Variants in FZD6 observed in about 807,000 individuals in gnomAD.
FZD6 encodes frizzled-6.
Under a neutral mutation model 61.4 loss-of-function variants are expected in FZD6, and 49 were observed. The observed-to-expected ratio is 0.80, with a 90% CI of 0.63 to 1.01. The LOEUF (loss-of-function observed/expected upper bound fraction) is 1.01, where lower values mean the gene tolerates loss of function less well. Among genes scored for constraint, FZD6 ranks in the 50% least tolerant of loss-of-function variants. The pLI, the probability that FZD6 is intolerant of heterozygous loss-of-function variation, is 0.00. For synonymous variants in FZD6, 265 were observed against 292.2 expected, an observed-to-expected ratio of 0.91 and a Z score of 0.95; for missense variants, 724 against 848.2, an observed-to-expected ratio of 0.85 and a Z score of 1.82.
chr8:103,320,203 G>A (rs1814743962), intron 3 of FZD6, among the ~76,000 whole-genome samples: 1 of 152,180 alleles, frequency 6.6e-6, no homozygotes, highest in African/African-American at 2.4e-5. Flanking sequence ...GTCCTCTGTT[G>A]TGAGTCTGGG....
chr8:103,330,093 C>T, intron 6 of FZD6, 28 bp downstream of exon 6: 1 of 1,574,366 alleles, frequency 6.4e-7, no homozygotes, highest in Middle Eastern at 1.7e-4. Context: ...GTAAAATCAT[C>T]ACTATTTTAA....
In FZD6 at chr8:103,328,375, C is replaced by T. The variant is rs763029375; in HGVS notation, c.1500C>T (p.Cys500=). The change falls in exon 5 of 7, where the codon TGC becomes TGT. Residue 500 remains cysteine (C), a synonymous_variant. Coordinates refer to ENST00000358755, the MANE Select transcript of FZD6 (RefSeq NM_003506.4). The part of the protein sequence containing the change: ...AVFWVGSKKT[C]TEWAGFFKRN... ...TCTGGGTTGGAAGCAAAAAGACATGCACAGAATGGGCTGGGTTTTTTAAAC... is the reference window on the plus strand; with the variant it reads ...TCTGGGTTGGAAGCAAAAAGACATGTACAGAATGGGCTGGGTTTTTTAAAC... 41 of 1,612,484 alleles carry T rather than the reference C, an allele frequency of 2.5e-5. No homozygotes were observed. Among genetic ancestry groups the T allele is most frequent in the Non-Finnish European group, 3.1e-5 (37 of 1,178,780 alleles).
Position 103,323,925 on chromosome 8 carries a change from G to A in FZD6, c.375-556G>A, listed in dbSNP as rs184767039. Among the ~76,000 whole-genome samples, 21 of 152,270 alleles carry A rather than the reference G, an allele frequency of 1.4e-4. No individual in the cohort carries two copies. The East Asian group carries it at 4.1e-3, about 29-fold the overall frequency. ...GCTGGTCCTCAGCCTGCCTCTTGCTGGTATACTTGCCTGTCTTTAAAAACT... is the reference window on the plus strand; with the variant it reads ...GCTGGTCCTCAGCCTGCCTCTTGCTAGTATACTTGCCTGTCTTTAAAAACT... On this transcript the variant is annotated intron_variant, in intron 3 of 6. Transcript: ENST00000358755.
intron 2 of FZD6, among the ~76,000 whole-genome samples, chr8:103,302,906 T>C (rs896585140): frequency 2.6e-5 from 4 of 152,198 alleles, no homozygotes; most frequent in African/African-American, 9.7e-5. Context: ...TGCAGTGAGC[T>C]ATGATCGTTC....
At chr8:103,326,138 T>C (rs1456345582) in intron 4 of FZD6, among the ~76,000 whole-genome samples, 2 of 152,212 alleles carry the variant, frequency 1.3e-5, no homozygotes, top group Non-Finnish European at 2.9e-5. Context: ...GGTTTTGTTT[T>C]AGTAGATTTT....
intron 2 of FZD6, among the ~76,000 whole-genome samples, chr8:103,308,748 C>T (rs148828389): frequency 1.5e-3 from 232 of 152,198 alleles, no homozygotes; most frequent in African/African-American, 5.1e-3. Context: ...GCAGTTGGTC[C>T]CTGACATCAT....
intron 3 of FZD6, among the ~76,000 whole-genome samples, chr8:103,319,189 G>A (rs1025955393): frequency 3.3e-5 from 5 of 152,170 alleles, no homozygotes. Flanking sequence ...AGGTAACTAG[G>A]CAATGAGAGG....
rs1188263319 is a variant in FZD6 at position 103,329,769 on chromosome 8, G to A, written c.1656G>A (p.Lys552=). 2 of 1,613,946 alleles carry A rather than the reference G, an allele frequency of 1.2e-6. No individual in the cohort carries two copies. Among genetic ancestry groups the A allele is most frequent in the South Asian group, 1.1e-5 (1 of 91,088 alleles). The stretch of plus-strand genomic sequence containing the variant: ...ATAAACCAAGTTCACACAAGCTGAA[G>A]GTCATTTCCAAATCCATGGGAACCA... ...KHYKPSSHKL[K]VISKSMGTST... The change falls in exon 6 of 7, where the codon AAG becomes AAA. Residue 552 remains lysine (K), a synonymous_variant. Transcript: ENST00000358755.
intron 2 of FZD6, chr8:103,307,991 C>T (rs190360611): frequency 2.2e-6 from 1 of 454,872 alleles, no homozygotes; most frequent in East Asian, 6.9e-5. Context: ...GTTGATCCTG[C>T]TGGAACATGA....
chr8:103,320,027 A>G (rs886350344), intron 3 of FZD6, among the ~76,000 whole-genome samples: 2 of 152,248 alleles, frequency 1.3e-5, no homozygotes, highest in African/African-American at 4.8e-5. Context: ...TAGGATCCCA[A>G]GCATAGATGA....
chr8:103,321,298 A>G (rs1490518364), intron 3 of FZD6, among the ~76,000 whole-genome samples: 2 of 152,236 alleles, frequency 1.3e-5, no homozygotes, highest in Non-Finnish European at 2.9e-5. Flanking sequence ...ATATTAAACC[A>G]TGTCCCATTA....
chr8:103,331,597 C>T lies in FZD6; in HGVS notation c.*88C>T. 1.2e-6 allele frequency: 1 copy of T among 867,898 alleles called. No individual in the cohort carries two copies. Among genetic ancestry groups the T allele is most frequent in the Admixed American group, 2.0e-5 (1 of 50,574 alleles). The allele number at this position is 867,898 out of a possible 1,614,324, so 53.8% of individuals were successfully genotyped here. On this transcript the variant is annotated 3_prime_UTR_variant, in exon 7 of 7. Coordinates refer to ENST00000358755, the MANE Select transcript of FZD6 (RefSeq NM_003506.4). ...GTTTTGTAAGAATCACTGTTACATT[C>T]TTCTTTTGCACTTAAAGTTGCATTG... is the stretch of plus-strand genomic sequence containing the variant.
In FZD6 at chr8:103,329,829, A is replaced by T. The variant is rs369955869; in HGVS notation, c.1716A>T (p.Ala572=). The T allele has an allele frequency of 6.2e-7, 1 of 1,613,688 alleles. No individual in the cohort carries two copies. Residue 572 remains alanine, a synonymous_variant, in exon 6 of 7, where the codon GCA becomes GCT. Coordinates refer to ENST00000358755, the MANE Select transcript of FZD6 (RefSeq NM_003506.4). The part of the protein sequence containing the change: ...TGATANHGTS[A]VAITSHDYLG... ...CTACAGCAAATCATGGCACTTCTGC[A>T]GTAGCAATTACTAGCCATGATTACC... is the stretch of plus-strand genomic sequence containing the variant.
intron 2 of FZD6, among the ~76,000 whole-genome samples, chr8:103,301,516 C>T (rs1030751084): frequency 6.6e-6 from 1 of 152,012 alleles, no homozygotes; most frequent in Non-Finnish European, 1.5e-5. Context: ...TAATAGTGTT[C>T]CTAAATTTTT....
In FZD6 at chr8:103,299,193, C is replaced by T. The variant is rs1814070643; in HGVS notation, c.-153+198C>T. On this transcript the variant is annotated intron_variant, in intron 1 of 6. Coordinates refer to ENST00000358755, the MANE Select transcript of FZD6 (RefSeq NM_003506.4). The stretch of plus-strand genomic sequence containing the variant: ...GCTCTGAAAGGCGATGCCGGGGCCC[C>T]GCGGCGCCGCGCAGGCCAGGAACGC... 4.6e-5 allele frequency among the ~76,000 whole-genome samples: 7 copies of T among 152,168 alleles called. No individual in the cohort carries two copies. In the South Asian group the frequency reaches 1.5e-3, roughly 32 times the overall value.
At chr8:103,304,976 A>G (rs528131788) in intron 2 of FZD6, among the ~76,000 whole-genome samples, 11 of 152,374 alleles carry the variant, frequency 7.2e-5, no homozygotes, top group Admixed American at 5.9e-4. Flanking sequence ...TGAACCTGAA[A>G]TCATTTGTAT....
Position 103,329,686 on chromosome 8 carries a change from G to A in FZD6, c.1573G>A (p.Glu525Lys). 1.2e-6 allele frequency: 2 copies of A among 1,611,542 alleles called. No individual in the cohort carries two copies. Among genetic ancestry groups the A allele is most frequent in the Non-Finnish European group, 1.7e-6 (2 of 1,178,010 alleles). Residue 525 changes from glutamate (E) to lysine (K), a missense_variant, in exon 6 of 7, where the codon GAA becomes AAA. Physicochemically the swap from Glu to Lys is moderately conservative, Grantham distance 56. Coordinates refer to ENST00000358755, the MANE Select transcript of FZD6 (RefSeq NM_003506.4). ...CAGTGAAAGTCGAAGAGTACTACAG[G>A]AATCATGTGAGTTTTTCTTAAAGCA... ...PISESRRVLQESCEFFLKHNS... is the reference protein window; with the variant it reads ...PISESRRVLQKSCEFFLKHNS...
chr8:103,329,998 T>G lies in FZD6; in HGVS notation c.1885T>G (p.Ser629Ala), dbSNP rs754241636. The change falls in exon 6 of 7, where the codon TCT becomes GCT. Residue 629 changes from serine to alanine, a missense_variant. By Grantham distance (99) the Ser-to-Ala change is moderately conservative. Coordinates refer to ENST00000358755, the MANE Select transcript of FZD6 (RefSeq NM_003506.4). ...ASPAASISRL[S>A]GEQVDGKGQA... ...GCCAGCAGCATCCATCTCCAGACTCTCTGGGGAACAGGTCGACGGGAAGGG... is the reference window on the plus strand; with the variant it reads ...GCCAGCAGCATCCATCTCCAGACTCGCTGGGGAACAGGTCGACGGGAAGGG... 3.1e-6 allele frequency: 5 copies of G among 1,614,078 alleles called. No individual in the cohort carries two copies. In the Admixed American group the frequency reaches 8.3e-5, roughly 27 times the overall value.
intron 5 of FZD6, 107 bp downstream of exon 5, chr8:103,328,523 T>C (rs762593031): frequency 1.4e-5 from 13 of 924,952 alleles, no homozygotes; most frequent in Non-Finnish European, 2.0e-5. Context: ...AACTATTATT[T>C]CAATTTGATT....
Sources: allele counts gnomAD v4.1 joint callset (sites outside exome capture counted in the v4.1 genomes callset), GRCh38; gene constraint gnomAD v4.1.1; transcripts MANE v1.5; gene names NCBI Gene and HGNC (gene_info 2026-07-23, HGNC 2026-07-21).